The following PIAS1 variants were observed in gnomAD, a reference collection of about 807,000 sequenced individuals.
The protein encoded by PIAS1 is E3 SUMO-protein ligase PIAS1.
In PIAS1, 6 loss-of-function variants were observed where a neutral mutation model predicts 71.3. The ratio of observed to expected loss-of-function variants is 0.08; its 90% confidence interval spans 0.05 to 0.17. The LOEUF (loss-of-function observed/expected upper bound fraction) is 0.17, where lower values mean the gene tolerates loss of function less well. PIAS1 is among the 10% of genes least tolerant of loss of function. The probability of loss-of-function intolerance (pLI) is 1.00; values close to 1 mark genes in which losing one functional copy is unlikely to be tolerated. For missense variants in PIAS1, 555 were observed against 793.6 expected, an observed-to-expected ratio of 0.70 and a Z score of 3.61; for synonymous variants, 303 against 292.9, an observed-to-expected ratio of 1.03 and a Z score of -0.35.
intron 1 of PIAS1, among the ~76,000 whole-genome samples, chr15:68,072,696 T>C (rs890308213): frequency 6.6e-6 from 1 of 152,202 alleles, no homozygotes; most frequent in African/African-American, 2.4e-5. Flanking sequence ...CGTCACTATT[T>C]CAGACTCTTG....
At chr15:68,071,019 TA>T (rs1469242770) in intron 1 of PIAS1, among the ~76,000 whole-genome samples, 1 of 152,162 alleles carries the variant, frequency 6.6e-6, no homozygotes, top group African/African-American at 2.4e-5. Flanking sequence ...AGCACTTTTC[TA>T]GAGATATTAC....
intron 1 of PIAS1, among the ~76,000 whole-genome samples, chr15:68,064,647 AT>A (rs1393913936): frequency 6.6e-6 from 1 of 152,230 alleles, no homozygotes; most frequent in Non-Finnish European, 1.5e-5. Flanking sequence ...ATCGAAAGTT[AT>A]CTGAAAAGGC....
chr15:68,078,545 C>T (rs2092194471), intron 1 of PIAS1, among the ~76,000 whole-genome samples: 1 of 152,074 alleles, frequency 6.6e-6, no homozygotes, highest in Non-Finnish European at 1.5e-5. Flanking sequence ...ATTTAGTGCC[C>T]CCGTCACCCA....
chr15:68,134,235 C>G lies in PIAS1; in HGVS notation c.470-7711C>G, dbSNP rs2092704142. ...CGCCATTGTCATCATGGCCCGTTCT[C>G]AATGAGCTGTTGGGTACACCTCCCA... On this transcript the variant is annotated intron_variant, in intron 2 of 13. Coordinates refer to ENST00000249636, the MANE Select transcript of PIAS1 (RefSeq NM_016166.3). Among the ~76,000 whole-genome samples the G allele has an allele frequency of 1.2e-4, 3 of 25,754 alleles. 1 individual carries two copies. The South Asian group carries it at 3.0e-3, about 26-fold the overall frequency. The allele number at this position is 25,754 out of a possible 152,430, so 16.9% of individuals were successfully genotyped here.
Position 68,086,157 on chromosome 15 carries a change from A to G in PIAS1, c.25-149A>G. On this transcript the variant is annotated intron_variant, in intron 1 of 13. Transcript: ENST00000249636. The surrounding 1 kb of genome is among the most constrained non-coding windows in gnomAD (Gnocchi z 7.2). ...TGGTTACTTAACGTTAAATGATTAAATTTGAAGTTTGAAATAATAGGATTA... is the reference window on the plus strand; with the variant it reads ...TGGTTACTTAACGTTAAATGATTAAGTTTGAAGTTTGAAATAATAGGATTA... The G allele has an allele frequency of 1.8e-6, 1 of 566,174 alleles. No homozygotes were observed. Among genetic ancestry groups the G allele is most frequent in the Non-Finnish European group, 3.1e-6 (1 of 326,282 alleles). 35.1% of individuals were successfully genotyped at this position (566,174 alleles called of 1,614,324 possible). A position where few individuals can be genotyped will look rare whatever the true frequency, so the allele number is the denominator to read the frequency against.
At chr15:68,082,467 A>C (rs1189021268) in intron 1 of PIAS1, among the ~76,000 whole-genome samples, 1 of 152,192 alleles carries the variant, frequency 6.6e-6, no homozygotes, top group Non-Finnish European at 1.5e-5. Flanking sequence ...TAATACTTTT[A>C]GCTGTTTGCA....
chr15:68,145,235 A>G (rs74020056), intron 4 of PIAS1, among the ~76,000 whole-genome samples: 3,215 of 152,232 alleles, frequency 0.021, 107 homozygotes, highest in African/African-American at 0.072. Flanking sequence ...ATAATATTCA[A>G]TATCTTCAGT....
At chr15:68,111,540 C>T (rs969430613) in intron 2 of PIAS1, among the ~76,000 whole-genome samples, 6 of 151,864 alleles carry the variant, frequency 4.0e-5, no homozygotes, top group Non-Finnish European at 8.8e-5. Flanking sequence ...CCTAATTGGC[C>T]GTTAAAAAGT....
At chr15:68,120,893 C>T (rs533685920) in intron 2 of PIAS1, among the ~76,000 whole-genome samples, 3 of 152,226 alleles carry the variant, frequency 2.0e-5, no homozygotes, top group South Asian at 4.2e-4. Context: ...GACTCGGCCT[C>T]GCAAAGTGCT....
intron 6 of PIAS1, among the ~76,000 whole-genome samples, chr15:68,149,316 T>C (rs2092829974): frequency 6.6e-6 from 1 of 150,662 alleles, no homozygotes; most frequent in African/African-American, 2.4e-5. Context: ...ACATTGATTC[T>C]CCTGCATTAC....
intron 2 of PIAS1, among the ~76,000 whole-genome samples, chr15:68,128,133 T>C (rs1371325900): frequency 6.6e-6 from 1 of 152,128 alleles, no homozygotes; most frequent in African/African-American, 2.4e-5. Context: ...TTTTCAAATA[T>C]GGCTGCCCAT....
At chr15:68,140,324 G>A (rs572356605) in intron 2 of PIAS1, among the ~76,000 whole-genome samples, 3 of 152,232 alleles carry the variant, frequency 2.0e-5, no homozygotes, top group South Asian at 4.1e-4. Flanking sequence ...TAAAAATAGA[G>A]CCAACGATTT....
At chr15:68,067,387 G>A (rs1468612224) in intron 1 of PIAS1, among the ~76,000 whole-genome samples, 1 of 151,950 alleles carries the variant, frequency 6.6e-6, no homozygotes, top group Non-Finnish European at 1.5e-5. Context: ...CCACTGCATT[G>A]CCTGCTTTTC....
intron 1 of PIAS1, among the ~76,000 whole-genome samples, chr15:68,061,780 G>T (rs2140954421): frequency 6.6e-6 from 1 of 152,284 alleles, no homozygotes; most frequent in Non-Finnish European, 1.5e-5. Flanking sequence ...ACTGGATAAA[G>T]ACTTAGTTCT....
chr15:68,124,657 T>G (rs767154992), intron 2 of PIAS1, among the ~76,000 whole-genome samples: 4 of 152,114 alleles, frequency 2.6e-5, no homozygotes, highest in Non-Finnish European at 4.4e-5. Flanking sequence ...GAGGCAGATG[T>G]TGTTGTGAGC....
At chr15:68,182,107 C>T (rs1376892281) in intron 12 of PIAS1, among the ~76,000 whole-genome samples, 2 of 151,806 alleles carry the variant, frequency 1.3e-5, no homozygotes, top group Non-Finnish European at 2.9e-5. Context: ...TGAATTTGAT[C>T]CTTCTTAAAA....
intron 7 of PIAS1, among the ~76,000 whole-genome samples, chr15:68,163,487 T>C (rs1402187069): frequency 6.6e-6 from 1 of 152,214 alleles, no homozygotes; most frequent in African/African-American, 2.4e-5. Flanking sequence ...TTGGTGTCCC[T>C]CTTTTCATTC....
chr15:68,066,852 G>T (rs2092034446), intron 1 of PIAS1, among the ~76,000 whole-genome samples: 1 of 152,120 alleles, frequency 6.6e-6, no homozygotes, highest in African/African-American at 2.4e-5. Flanking sequence ...AAAAGAACAT[G>T]AATTTTAGAA....
chr15:68,099,293 G>T (rs2092403954), intron 2 of PIAS1, among the ~76,000 whole-genome samples: 1 of 148,698 alleles, frequency 6.7e-6, no homozygotes. Context: ...AGTTCCTTGA[G>T]CTTTTTATTT....
Sources: allele counts gnomAD v4.1 joint callset (sites outside exome capture counted in the v4.1 genomes callset), GRCh38; gene constraint gnomAD v4.1.1; non-coding constraint Gnocchi (gnomAD v3.1); transcripts MANE v1.5; gene names NCBI Gene and HGNC (gene_info 2026-07-23, HGNC 2026-07-21).